SCMH1: variants seen among roughly 807,000 people sequenced by gnomAD.
The protein encoded by SCMH1 is Scm polycomb group protein homolog 1, also known as polycomb protein SCMH1.
A neutral mutation model predicts 70.8 loss-of-function variants in SCMH1; 37 were observed. The ratio of observed to expected loss-of-function variants is 0.52; its 90% CI spans 0.40 to 0.69. SCMH1 has a LOEUF of 0.69. SCMH1 is among the 30% of genes least tolerant of loss of function. The probability of loss-of-function intolerance (pLI) is 0.00; values close to 1 mark genes in which losing one functional copy is unlikely to be tolerated. For missense variants in SCMH1, 607 were observed against 827.3 expected, an observed-to-expected ratio of 0.73 and a Z score of 3.27; for synonymous variants, 292 against 307.4, an observed-to-expected ratio of 0.95 and a Z score of 0.52.
intron 1 of SCMH1, among the ~76,000 whole-genome samples, chr1:41,214,603 T>G (rs1657708937): frequency 6.6e-6 from 1 of 152,152 alleles, no homozygotes; most frequent in Non-Finnish European, 1.5e-5. Context: ...GCAAGATGGC[T>G]AGGACAACTG....
chr1:41,058,815 G>A (rs1306556247), intron 10 of SCMH1, among the ~76,000 whole-genome samples: 1 of 152,172 alleles, frequency 6.6e-6, no homozygotes, highest in African/African-American at 2.4e-5. Context: ...CAAAAATGGG[G>A]TAAAGTAAAA....
intron 8 of SCMH1, among the ~76,000 whole-genome samples, chr1:41,081,166 T>C (rs1041513387): frequency 2.6e-5 from 4 of 151,400 alleles, no homozygotes; most frequent in Admixed American, 1.3e-4. Context: ...AAGTATTCAG[T>C]GAAAGATGGG....
At chr1:41,130,018 C>A (rs1034146805) in intron 6 of SCMH1, among the ~76,000 whole-genome samples, 1 of 152,046 alleles carries the variant, frequency 6.6e-6, no homozygotes, top group African/African-American at 2.4e-5. Context: ...TTCCTAATAC[C>A]CATCCTAATG....
rs145599703 is a variant in SCMH1, at chr1:41,159,486, C to T, written c.106+1389G>A. ...CCATTATCTCCTGTGTTCATTATAA[C>T]CTGCAAAGTAGGTTTTACTCCCATT... is the stretch of plus-strand genomic sequence containing the variant. On this transcript the variant is annotated intron_variant, in intron 4 of 14. Transcript: ENST00000337495. 4.6e-5 allele frequency among the ~76,000 whole-genome samples: 7 copies of T among 152,246 alleles called. No individual in the cohort carries two copies. The East Asian group carries it at 1.4e-3, about 29-fold the overall frequency.
chr1:41,138,788 G>A (rs768322093), intron 6 of SCMH1, among the ~76,000 whole-genome samples: 29 of 152,042 alleles, frequency 1.9e-4, no homozygotes, highest in Admixed American at 5.2e-4. Context: ...CTGATTAGTC[G>A]TTGGTTTTGG....
chr1:41,093,360 C>T (rs906893999), intron 8 of SCMH1, among the ~76,000 whole-genome samples: 14 of 115,950 alleles, frequency 1.2e-4, no homozygotes, highest in African/African-American at 1.7e-4. Flanking sequence ...ACATCACACA[C>T]GGGGCTGTCA....
At chr1:41,081,117 T>G (rs1347968045) in intron 8 of SCMH1, among the ~76,000 whole-genome samples, 1 of 152,074 alleles carries the variant, frequency 6.6e-6, no homozygotes, top group African/African-American at 2.4e-5. Context: ...TAGCAACAAT[T>G]TGAAAATTAT....
chr1:41,066,610 G>C (rs1432594184), intron 10 of SCMH1, among the ~76,000 whole-genome samples: 3 of 152,124 alleles, frequency 2.0e-5, no homozygotes, highest in Non-Finnish European at 4.4e-5. Flanking sequence ...GTCTAGCTCT[G>C]TCACGCAGAC....
intron 13 of SCMH1, among the ~76,000 whole-genome samples, chr1:41,037,124 T>C (rs1212069919): frequency 6.6e-6 from 1 of 152,216 alleles, no homozygotes; most frequent in African/African-American, 2.4e-5. Flanking sequence ...GAATGAATCC[T>C]TCCCTGTCCC....
rs576547843 is a variant in SCMH1, at chr1:41,059,018, T to C, written c.1106-10128A>G. ...CATCGAAGAGTTTACTTGTGAATGATCTGTGCAGGCAGTCCTTCATGGATG... is the reference window on the plus strand; with the variant it reads ...CATCGAAGAGTTTACTTGTGAATGACCTGTGCAGGCAGTCCTTCATGGATG... On this transcript the variant is annotated intron_variant, in intron 10 of 14. Transcript: ENST00000337495. Among the ~76,000 whole-genome samples the C allele has an allele frequency of 5.9e-5, 9 of 152,298 alleles. No homozygotes were observed. The South Asian group carries it at 1.9e-3, about 32-fold the overall frequency.
At chr1:41,086,687 T>C (rs1440740508) in intron 8 of SCMH1, among the ~76,000 whole-genome samples, 2 of 151,944 alleles carry the variant, frequency 1.3e-5, no homozygotes, top group Admixed American at 1.3e-4. Flanking sequence ...GGAGGGTCAC[T>C]TGAGGCTAGG....
intron 2 of SCMH1, among the ~76,000 whole-genome samples, chr1:41,163,478 C>G (rs1646207580): frequency 6.6e-6 from 1 of 152,200 alleles, no homozygotes; most frequent in Non-Finnish European, 1.5e-5. Context: ...AAAAGCAACA[C>G]CCCTAGGATC....
chr1:41,174,439 C>G (rs1646982959), intron 2 of SCMH1, among the ~76,000 whole-genome samples: 1 of 151,932 alleles, frequency 6.6e-6, no homozygotes, highest in Non-Finnish European at 1.5e-5. Context: ...GTCTACAGTA[C>G]AGGAGATACC....
At chr1:41,167,586 T>G (rs1462266115) in intron 2 of SCMH1, among the ~76,000 whole-genome samples, 1 of 152,204 alleles carries the variant, frequency 6.6e-6, no homozygotes, top group Non-Finnish European at 1.5e-5. Context: ...TGCTTTGTGA[T>G]TCAGTCTTGG....
chr1:41,103,637 G>C (rs1048821778), intron 8 of SCMH1, among the ~76,000 whole-genome samples: 3 of 152,178 alleles, frequency 2.0e-5, no homozygotes, highest in Non-Finnish European at 2.9e-5. Context: ...AGTAAATGTG[G>C]TCAAATTTAT....
At chr1:41,239,424 C>G (rs898111744) in intron 1 of SCMH1, among the ~76,000 whole-genome samples, 3 of 152,222 alleles carry the variant, frequency 2.0e-5, no homozygotes, top group African/African-American at 7.2e-5. Flanking sequence ...CTAGGCTAGT[C>G]TAAGTGCCCT....
At chr1:41,182,760 A>G (rs1057074981) in intron 2 of SCMH1, among the ~76,000 whole-genome samples, 2 of 152,136 alleles carry the variant, frequency 1.3e-5, no homozygotes, top group Non-Finnish European at 2.9e-5. Flanking sequence ...AGGAACTTCT[A>G]GGAAGAAATA....
At chr1:41,103,946 A>C (rs540794046) in intron 8 of SCMH1, among the ~76,000 whole-genome samples, 8 of 152,256 alleles carry the variant, frequency 5.3e-5, no homozygotes, top group African/African-American at 1.9e-4. Context: ...CTATTTGTGT[A>C]CCACAAGCAT....
chr1:41,040,874 A>C (rs768656608), intron 12 of SCMH1, among the ~76,000 whole-genome samples: 8 of 150,370 alleles, frequency 5.3e-5, no homozygotes, highest in Non-Finnish European at 1.2e-4. Flanking sequence ...CAAAACAAAA[A>C]ACAGAAAACA....
Sources: allele counts gnomAD v4.1 joint callset (sites outside exome capture counted in the v4.1 genomes callset), GRCh38; gene constraint gnomAD v4.1.1; transcripts MANE v1.5; gene names NCBI Gene and HGNC (gene_info 2026-07-23, HGNC 2026-07-21).